PLPPR5: variants seen among roughly 807,000 people sequenced by gnomAD.
The protein encoded by PLPPR5 is phospholipid phosphatase related 5.
In PLPPR5, 16 loss-of-function variants were observed where a neutral mutation model predicts 33.9. That is an observed-to-expected ratio of 0.47 (90% CI 0.32 to 0.72). The LOEUF (loss-of-function observed/expected upper bound fraction) is 0.72. Among genes scored for constraint, PLPPR5 ranks in the 30% least tolerant of loss-of-function variants. PLPPR5 has a pLI of 0.03. For missense variants in PLPPR5, 301 were observed against 406.7 expected (o/e 0.74, Z 2.23); for synonymous variants, 163 against 150.3 (o/e 1.08, Z -0.62).
In PLPPR5 at chr1:98,959,929, C is replaced by G. The variant is rs575517057; in HGVS notation, c.238-3188G>C. Among the ~76,000 whole-genome samples, 12 of 152,200 alleles carry G rather than the reference C, an allele frequency of 7.9e-5. No individual in the cohort carries two copies. In the South Asian group the frequency reaches 2.1e-3, roughly 26 times the overall value. ...GTCCATCACATCTTGCTGGACCCTC[C>G]GGCCAGTTCTTGGTCTAGACTAGCT... On this transcript the variant is annotated intron_variant, in intron 1 of 5. Coordinates refer to ENST00000263177, the MANE Select transcript of PLPPR5 (RefSeq NM_001037317.2).
At position 98,894,467 on chromosome 1, in the gene PLPPR5, A is replaced by G. The variant is rs186769013; in HGVS notation, c.934-1363T>C. ...ACGGGTACTTGAAACCAGTGAACTG[A>G]GAAAATGCAATTCGATATAGAGTGT... On this transcript the variant is annotated intron_variant, in intron 5 of 5. Transcript: ENST00000263177. Among the ~76,000 whole-genome samples, 386 of 152,234 alleles carry G rather than the reference A, an allele frequency of 2.5e-3. 1 individual carries two copies. The highest frequency in any genetic ancestry group is 8.6e-3 in the African/African-American group (359 of 41,564).
chr1:98,962,898 G>A (rs563627117), intron 1 of PLPPR5, among the ~76,000 whole-genome samples: 1 of 152,210 alleles, frequency 6.6e-6, no homozygotes, highest in South Asian at 2.1e-4. Flanking sequence ...CTGGCCTGAA[G>A]CGACCCTCCC....
chr1:98,944,963 T>A (rs1018104481), intron 3 of PLPPR5, among the ~76,000 whole-genome samples: 1 of 152,238 alleles, frequency 6.6e-6, no homozygotes, highest in African/African-American at 2.4e-5. Flanking sequence ...TTACTGGGCC[T>A]GACATCAAAT....
intron 3 of PLPPR5, among the ~76,000 whole-genome samples, chr1:98,942,996 C>A (rs998287626): frequency 6.6e-6 from 1 of 152,194 alleles, no homozygotes; most frequent in African/African-American, 2.4e-5. Context: ...GCTTAACCAC[C>A]ACAAGCCAGT....
intron 3 of PLPPR5, among the ~76,000 whole-genome samples, chr1:98,945,958 C>T (rs535094087): frequency 6.6e-6 from 1 of 152,208 alleles, no homozygotes; most frequent in East Asian, 1.9e-4. Context: ...CTGTACTCAC[C>T]CTGCCATGGC....
chr1:98,941,359 G>A (rs1407258431), intron 3 of PLPPR5, among the ~76,000 whole-genome samples: 1 of 151,830 alleles, frequency 6.6e-6, no homozygotes, highest in East Asian at 1.9e-4. Flanking sequence ...TAAGATCTGG[G>A]GGATGAGGTC....
intron 3 of PLPPR5, among the ~76,000 whole-genome samples, chr1:98,937,514 A>G (rs1650212973): frequency 6.6e-6 from 1 of 152,160 alleles, no homozygotes; most frequent in South Asian, 2.1e-4. Flanking sequence ...GGAGTTCTGT[A>G]GGAAGCTGCA....
chr1:98,956,299 G>C (rs1287192646), intron 2 of PLPPR5, among the ~76,000 whole-genome samples: 2 of 151,926 alleles, frequency 1.3e-5, no homozygotes, highest in African/African-American at 4.8e-5. Flanking sequence ...GTGGGATCTT[G>C]CTATATTAAA....
chr1:98,912,089 CTTTA>C (rs923490780), intron 5 of PLPPR5, among the ~76,000 whole-genome samples: 13 of 152,130 alleles, frequency 8.5e-5, no homozygotes, highest in African/African-American at 3.1e-4. Flanking sequence ...TATTTTTAAA[CTTTA>C]TTTAGTAAGT....
At chr1:98,966,768 A>G (rs1051168775) in intron 1 of PLPPR5, among the ~76,000 whole-genome samples, 1 of 152,204 alleles carries the variant, frequency 6.6e-6, no homozygotes, top group African/African-American at 2.4e-5. Context: ...TAAGAAACAC[A>G]TGAAGCTGCC....
chr1:98,948,987 G>T (rs1650662896), intron 3 of PLPPR5, among the ~76,000 whole-genome samples: 1 of 152,154 alleles, frequency 6.6e-6, no homozygotes, highest in African/African-American at 2.4e-5. Flanking sequence ...AATTGGAAGT[G>T]ACCCGAGGAG....
At chr1:98,990,341 C>CCTGGGTGA in intron 1 of PLPPR5, among the ~76,000 whole-genome samples, 1 of 152,142 alleles carries the variant, frequency 6.6e-6, no homozygotes, top group East Asian at 1.9e-4. Context: ...TATACTTCCC[C>CCTGGGTGA]CTGGGTGACA....
At position 98,976,092 on chromosome 1, in the gene PLPPR5, T is replaced by TAAA. The variant is rs34637022; in HGVS notation, c.238-19354_238-19352dup. Among the ~76,000 whole-genome samples the TAAA allele has an allele frequency of 5.4e-3, 400 of 74,654 alleles. 9 individuals are homozygous for TAAA. Among genetic ancestry groups the TAAA allele is most frequent in the African/African-American group, 0.016 (331 of 21,008 alleles). The allele number at this position is 74,654 out of a possible 152,430, so 49.0% of individuals were successfully genotyped here. A position where few individuals can be genotyped will look rare whatever the true frequency, so the allele number is the denominator to read the frequency against. On this transcript the variant is annotated intron_variant, in intron 1 of 5. Coordinates refer to ENST00000263177, the MANE Select transcript of PLPPR5 (RefSeq NM_001037317.2). ...AAGATGAGATCATCCTACTAAAAAG[T>TAAA]AAAAAAAAAAAAAAAAAAAAAAGCC...
chr1:98,955,597 A>T (rs35675335), intron 2 of PLPPR5, among the ~76,000 whole-genome samples: 1 of 151,996 alleles, frequency 6.6e-6, no homozygotes, highest in Admixed American at 6.5e-5. Context: ...TTGGATATGA[A>T]GGCCTTTCGT....
rs1163060470 is a variant in PLPPR5, at chr1:98,899,239, G to A, written c.934-6135C>T. ...AGGCCCAGCTGTATCCAGATCAAGT[G>A]CTGACTCCACATCCGGATCACCTGA... On this transcript the variant is annotated intron_variant, in intron 5 of 5. Coordinates refer to ENST00000263177, the MANE Select transcript of PLPPR5 (RefSeq NM_001037317.2). Among the ~76,000 whole-genome samples the A allele has an allele frequency of 1.3e-5, 2 of 152,150 alleles. 1 individual carries two copies.
intron 3 of PLPPR5, among the ~76,000 whole-genome samples, chr1:98,935,866 C>CCCACT (rs1650152782): frequency 6.6e-6 from 1 of 152,100 alleles, no homozygotes; most frequent in South Asian, 2.1e-4. Flanking sequence ...AAATCAAAAT[C>CCCACT]CCACTCTCTT....
chr1:99,005,345 G>C (rs140913290), upstream of PLPPR5, among the ~76,000 whole-genome samples: 84 of 152,274 alleles, frequency 5.5e-4, 1 homozygote, highest in African/African-American at 1.8e-3. Context: ...CAACCGGTGC[G>C]TTCAGCCTGC....
Position 98,995,133 on chromosome 1 carries a change from C to T in PLPPR5, c.237+9302G>A, listed in dbSNP as rs550948101. Among the ~76,000 whole-genome samples the T allele has an allele frequency of 2.6e-5, 4 of 152,180 alleles. No homozygotes were observed. In the South Asian group the frequency reaches 8.3e-4, roughly 32 times the overall value. On this transcript the variant is annotated intron_variant, in intron 1 of 5. Coordinates refer to ENST00000263177, the MANE Select transcript of PLPPR5 (RefSeq NM_001037317.2). ...AACTTAAAACAGAATTGTCATTTGA[C>T]CCAGCAATCCCATTGTTGGATATAC...
chr1:98,905,806 C>CT (rs1230296552), intron 5 of PLPPR5, among the ~76,000 whole-genome samples: 1 of 152,012 alleles, frequency 6.6e-6, no homozygotes, highest in African/African-American at 2.4e-5. Flanking sequence ...ATTTTCTGTA[C>CT]TTTTTTTGTG....
Sources: allele counts gnomAD v4.1 joint callset (sites outside exome capture counted in the v4.1 genomes callset), GRCh38; gene constraint gnomAD v4.1.1; transcripts MANE v1.5; gene names NCBI Gene and HGNC (gene_info 2026-07-23, HGNC 2026-07-21).